Variants in CYP7B1 observed in about 807,000 individuals in gnomAD.
CYP7B1 encodes the protein cytochrome P450 7B1.
A neutral mutation model predicts 42.7 loss-of-function variants in CYP7B1; 29 were observed. The ratio of observed to expected loss-of-function variants is 0.68; its 90% CI spans 0.51 to 0.93. The LOEUF (loss-of-function observed/expected upper bound fraction) is 0.93. CYP7B1 is among the 40% of genes least tolerant of loss of function. The pLI, the probability that CYP7B1 is intolerant of heterozygous loss-of-function variation, is 0.00. For missense variants in CYP7B1, 655 were observed against 600.5 expected, an observed-to-expected ratio of 1.09 and a Z score of -0.95; for synonymous variants, 235 against 218.2, an observed-to-expected ratio of 1.08 and a Z score of -0.68.
At position 64,596,272 on chromosome 8, in the gene CYP7B1, A is replaced by T. The variant is rs1805115085; in HGVS notation, c.*370T>A. 5.7e-6 allele frequency: 1 copy of T among 176,370 alleles called. No homozygotes were observed. Among genetic ancestry groups the T allele is most frequent in the Non-Finnish European group, 1.3e-5 (1 of 79,330 alleles). 10.9% of individuals were successfully genotyped at this position (176,370 alleles called of 1,614,324 possible). On this transcript the variant is annotated 3_prime_UTR_variant, in exon 6 of 6. Transcript: ENST00000310193. ...TTCCAGCACAATTTTCTAGTAGTTCAAAGTGTAATTTTACATATTAGAGAA... is the reference window on the plus strand; with the variant it reads ...TTCCAGCACAATTTTCTAGTAGTTCTAAGTGTAATTTTACATATTAGAGAA...
chr8:64,788,061 G>A (rs1804557731), intron 1 of CYP7B1, among the ~76,000 whole-genome samples: 1 of 152,172 alleles, frequency 6.6e-6, no homozygotes, highest in Admixed American at 6.5e-5. Flanking sequence ...TGGGGATTAT[G>A]GGAACTACAA....
chr8:64,749,040 A>G (rs528888711), intron 1 of CYP7B1, among the ~76,000 whole-genome samples: 5 of 152,088 alleles, frequency 3.3e-5, no homozygotes, highest in Non-Finnish European at 4.4e-5. Context: ...CAGGGGAGAG[A>G]CATCATCACA....
At position 64,593,232 on chromosome 8, in the gene CYP7B1, GGT is replaced by G. The variant is rs57590025; in HGVS notation, c.*3408_*3409del. Among the ~76,000 whole-genome samples the G allele has an allele frequency of 0.1, 12,311 of 122,620 alleles. 501 individuals are homozygous for G. The highest frequency in any genetic ancestry group is 0.11 in the Admixed American group (1,386 of 12,524). 80.4% of individuals were successfully genotyped at this position (122,620 alleles called of 152,430 possible). ...TGGTGGACTAAAGGCTAGGGCCCAG[GGT>G]GTGTGTGTGTGTGTGTGTGTGTGTG... On this transcript the variant is annotated 3_prime_UTR_variant, in exon 6 of 6. Transcript: ENST00000310193.
intron 1 of CYP7B1, among the ~76,000 whole-genome samples, chr8:64,646,897 TAATTCCCTTC>T (rs1805962206): frequency 6.6e-6 from 1 of 152,236 alleles, no homozygotes; most frequent in Admixed American, 6.5e-5. Context: ...GTAACATTTG[TAATTCCCTTC>T]AAGAACTTTT....
intron 2 of CYP7B1, among the ~76,000 whole-genome samples, chr8:64,621,968 T>C (rs1295808579): frequency 6.6e-6 from 1 of 151,710 alleles, no homozygotes; most frequent in Non-Finnish European, 1.5e-5. Context: ...TGGTCTCGAA[T>C]TCCTACCTCG....
intron 1 of CYP7B1, among the ~76,000 whole-genome samples, chr8:64,634,145 T>C (rs1397216955): frequency 1.3e-5 from 2 of 152,248 alleles, no homozygotes; most frequent in African/African-American, 4.8e-5. Context: ...TTTTGTAGAA[T>C]GGCCCTCCAT....
chr8:64,733,951 C>T (rs894897895), intron 1 of CYP7B1, among the ~76,000 whole-genome samples: 8 of 151,968 alleles, frequency 5.3e-5, no homozygotes, highest in Non-Finnish European at 1.5e-5. Context: ...GTGTGGGCAA[C>T]AGAGCCAGAC....
chr8:64,624,571 A>G, intron 1 of CYP7B1, 32 bp from the exon 2 acceptor site: 1 of 1,609,872 alleles, frequency 6.2e-7, no homozygotes, highest in Non-Finnish European at 8.5e-7. Flanking sequence ...TAAAAGAACA[A>G]AAGAAAAATC....
At chr8:64,608,036 C>G (rs931847546) in intron 4 of CYP7B1, among the ~76,000 whole-genome samples, 2 of 152,184 alleles carry the variant, frequency 1.3e-5, no homozygotes, top group African/African-American at 4.8e-5. Flanking sequence ...AAAATTCCCT[C>G]TATGATCTCA....
chr8:64,603,581 C>A (rs1457777883), intron 5 of CYP7B1, among the ~76,000 whole-genome samples: 1 of 152,084 alleles, frequency 6.6e-6, no homozygotes, highest in Non-Finnish European at 1.5e-5. Flanking sequence ...TAATTTTGTT[C>A]TTTGATACTT....
intron 1 of CYP7B1, among the ~76,000 whole-genome samples, chr8:64,628,118 C>T (rs75738074): frequency 0.013 from 2,036 of 152,296 alleles, 17 homozygotes; most frequent in Non-Finnish European, 0.022. Context: ...ATGTTCCCTA[C>T]TCCCTCATAA....
chr8:64,798,370 C>A (rs1804740707), intron 1 of CYP7B1, 96 bp downstream of exon 1: 2 of 1,400,612 alleles, frequency 1.4e-6, no homozygotes, highest in Non-Finnish European at 1.8e-6. Context: ...ACTGTCTGCA[C>A]TGGAAATCAT....
intron 1 of CYP7B1, among the ~76,000 whole-genome samples, chr8:64,629,277 T>C (rs1001598358): frequency 2.6e-5 from 4 of 151,422 alleles, no homozygotes; most frequent in African/African-American, 9.7e-5. Context: ...AATCTATACT[T>C]ATCAGAGTAA....
At chr8:64,755,029 G>A (rs1179527870) in intron 1 of CYP7B1, among the ~76,000 whole-genome samples, 1 of 152,198 alleles carries the variant, frequency 6.6e-6, no homozygotes, top group Non-Finnish European at 1.5e-5. Flanking sequence ...CAACTTTGGG[G>A]AATGGAGAGT....
intron 1 of CYP7B1, among the ~76,000 whole-genome samples, chr8:64,675,475 A>T (rs957117940): frequency 5.3e-5 from 8 of 150,496 alleles, no homozygotes; most frequent in Admixed American, 2.6e-4. Context: ...ATTTTTTATT[A>T]TTTTATATTA....
chr8:64,774,621 G>C lies in CYP7B1; in HGVS notation c.122+23845C>G, dbSNP rs532675912. On this transcript the variant is annotated intron_variant, in intron 1 of 5. Coordinates refer to ENST00000310193, the MANE Select transcript of CYP7B1 (RefSeq NM_004820.5). ...ACACATAAGTGTGAACATTGGGAGA[G>C]GGGTATAAACAGGTCCCATATTTAT... Among the ~76,000 whole-genome samples, 10 of 152,252 alleles carry C rather than the reference G, an allele frequency of 6.6e-5. No individual in the cohort carries two copies. In the East Asian group the frequency reaches 1.9e-3, roughly 29 times the overall value.
intron 5 of CYP7B1, among the ~76,000 whole-genome samples, chr8:64,602,088 C>T: frequency 6.6e-6 from 1 of 152,142 alleles, no homozygotes; most frequent in East Asian, 1.9e-4. Context: ...GTACAGCTTC[C>T]TGTGTGCTAG....
chr8:64,752,141 GCCACTACCTGATCCATGATGTATGTACT>G (rs1406117770), intron 1 of CYP7B1, among the ~76,000 whole-genome samples: 1 of 150,684 alleles, frequency 6.6e-6, no homozygotes, highest in Non-Finnish European at 1.5e-5. Flanking sequence ...GCCAGCAGAT[GCCACTACCTGATCCATGATGTATGTACT>G]CCAGAAAAAA....
chr8:64,656,868 A>G (rs1806127963), intron 1 of CYP7B1, among the ~76,000 whole-genome samples: 1 of 152,204 alleles, frequency 6.6e-6, no homozygotes, highest in African/African-American at 2.4e-5. Context: ...AAGTCACCAT[A>G]AACACATTAC....
Sources: gnomAD v4.1 joint callset for allele counts (sites outside exome capture counted in the v4.1 genomes callset) on GRCh38, gnomAD v4.1.1 for gene constraint, MANE v1.5 for transcripts, NCBI Gene and HGNC (gene_info 2026-07-23, HGNC 2026-07-21) for gene names.